NME7: variants seen among roughly 807,000 people sequenced by gnomAD.
The protein encoded by NME7 is nucleoside diphosphate kinase 7.
In NME7, 41 loss-of-function variants were observed where a neutral mutation model predicts 49.1. The observed-to-expected ratio is 0.83, with a 90% CI of 0.65 to 1.08. The LOEUF is 1.08. NME7 is among the 50% of genes least tolerant of loss of function. The pLI, the probability that NME7 is intolerant of heterozygous loss-of-function variation, is 0.00. For missense variants in NME7, 423 were observed against 463.4 expected (o/e 0.91, Z 0.80); for synonymous variants, 139 against 150.6 (o/e 0.92, Z 0.56).
At chr1:169,190,590 G>C in intron 10 of NME7, 1 of 413,074 alleles carries the variant, frequency 2.4e-6, no homozygotes, top group Non-Finnish European at 4.8e-6. Flanking sequence ...AGAAAACAAT[G>C]AAAGTGTTAT....
chr1:169,275,418 G>C lies in NME7; in HGVS notation c.754+11885C>G, dbSNP rs911305949. On this transcript the variant is annotated intron_variant, in intron 7 of 11. Coordinates refer to ENST00000367811, the MANE Select transcript of NME7 (RefSeq NM_013330.5). Reference sequence around the variant, plus strand: ...GGCGTGAACCCGGGAGGCGGAGCTTGCAGTGAGTCGAGATCGCGCCACTGC... The same window carrying C: ...GGCGTGAACCCGGGAGGCGGAGCTTCCAGTGAGTCGAGATCGCGCCACTGC... 1.6e-4 allele frequency among the ~76,000 whole-genome samples: 19 copies of C among 115,624 alleles called. 1 individual carries two copies. Among genetic ancestry groups the C allele is most frequent in the African/African-American group, 5.6e-4 (19 of 33,818 alleles). The allele number at this position is 115,624 out of a possible 152,430, so 75.9% of individuals were successfully genotyped here.
intron 7 of NME7, among the ~76,000 whole-genome samples, chr1:169,269,373 ATGGTG>A: frequency 7.5e-6 from 1 of 134,014 alleles, no homozygotes; most frequent in South Asian, 2.3e-4. Flanking sequence ...AAACTCCAAA[ATGGTG>A]ACATTCTAAG....
At chr1:169,229,974 A>C (rs891792364) in intron 10 of NME7, among the ~76,000 whole-genome samples, 15 of 152,104 alleles carry the variant, frequency 9.9e-5, no homozygotes, top group African/African-American at 3.6e-4. Context: ...AAAAAAAAAA[A>C]TTAAAAATAA....
At chr1:169,177,904 G>A (rs892294578) in intron 10 of NME7, among the ~76,000 whole-genome samples, 1 of 151,804 alleles carries the variant, frequency 6.6e-6, no homozygotes, top group African/African-American at 2.4e-5. Context: ...TGGCGTGATC[G>A]CGGCTCACTG....
chr1:169,247,017 G>T (rs1050764243), intron 7 of NME7: 3 of 456,186 alleles, frequency 6.6e-6, no homozygotes, highest in Non-Finnish European at 1.3e-5. Flanking sequence ...AAGACCTATG[G>T]GAATGAAGAT....
chr1:169,252,113 CTAGATCCCTGAGGA>C (rs1396487829), intron 7 of NME7, among the ~76,000 whole-genome samples: 3 of 149,496 alleles, frequency 2.0e-5, no homozygotes, highest in African/African-American at 7.4e-5. Context: ...ATTTCCAGTT[CTAGATCCCTGAGGA>C]ATCGCCACAC....
chr1:169,294,303 GA>G (rs1558026909), intron 6 of NME7, among the ~76,000 whole-genome samples: 1 of 152,048 alleles, frequency 6.6e-6, no homozygotes, highest in African/African-American at 2.4e-5. Context: ...ACAAGTGAAG[GA>G]AGAAAAACCA....
At chr1:169,341,486 G>A (rs533756612) in intron 1 of NME7, among the ~76,000 whole-genome samples, 1 of 152,318 alleles carries the variant, frequency 6.6e-6, no homozygotes, top group African/African-American at 2.4e-5. Context: ...TGGGGTCAGG[G>A]TGCCCACACA....
chr1:169,255,727 C>T (rs1648899845), intron 7 of NME7, among the ~76,000 whole-genome samples: 1 of 127,948 alleles, frequency 7.8e-6, no homozygotes, highest in East Asian at 2.5e-4. Context: ...ATGTTTAGCG[C>T]TTCCTTCAGG....
rs1390369001 is a variant in NME7, at chr1:169,267,129, CA to C, written c.754+20173del. The stretch of plus-strand genomic sequence containing the variant: ...ATCAGTAGCATTCTTACACAGCGCC[CA>C]AGCTGAGAGCCAAATCAGGAATACA... On this transcript the variant is annotated intron_variant, in intron 7 of 11. Coordinates refer to ENST00000367811, the MANE Select transcript of NME7 (RefSeq NM_013330.5). Among the ~76,000 whole-genome samples the C allele has an allele frequency of 1.5e-5, 2 of 133,168 alleles. 1 individual carries two copies. The highest frequency in any genetic ancestry group is 3.5e-5 in the Non-Finnish European group (2 of 56,734). 87.4% of individuals were successfully genotyped at this position (133,168 alleles called of 152,430 possible). A position where few individuals can be genotyped will look rare whatever the true frequency, so the allele number is the denominator to read the frequency against.
intron 5 of NME7, among the ~76,000 whole-genome samples, chr1:169,301,597 T>C (rs571189421): frequency 6.6e-6 from 1 of 152,216 alleles, no homozygotes; most frequent in East Asian, 1.9e-4. Flanking sequence ...AAAGAAATTC[T>C]GCCAAAAAGA....
intron 6 of NME7, among the ~76,000 whole-genome samples, chr1:169,288,601 C>T (rs555685841): frequency 6.6e-6 from 1 of 152,176 alleles, no homozygotes; most frequent in East Asian, 1.9e-4. Flanking sequence ...TAATGTGCCA[C>T]ACTGATGAGC....
chr1:169,310,912 C>T (rs1651356733), intron 3 of NME7: 1 of 152,146 alleles, frequency 6.6e-6, no homozygotes, highest in South Asian at 2.1e-4. Flanking sequence ...ATCACCAAAT[C>T]CTCAAGAATA....
intron 10 of NME7, among the ~76,000 whole-genome samples, chr1:169,176,430 A>G (rs1659752370): frequency 6.6e-6 from 1 of 152,206 alleles, no homozygotes; most frequent in African/African-American, 2.4e-5. Flanking sequence ...AGGAATCACT[A>G]AAACATCAGG....
Position 169,303,260 on chromosome 1 carries a change from A to G in NME7, c.390-65T>C, listed in dbSNP as rs551317661. On this transcript the variant is annotated intron_variant, in intron 4 of 11. Coordinates refer to ENST00000367811, the MANE Select transcript of NME7 (RefSeq NM_013330.5). ...AATTAAACACTTATTATTTTAGCTT[A>G]CATTAATAAAATTAAGATAAAATCC... is the stretch of plus-strand genomic sequence containing the variant. 136 of 737,408 alleles carry G rather than the reference A, an allele frequency of 1.8e-4. 1 individual carries two copies. The highest frequency in any genetic ancestry group is 4.0e-4 in the Middle Eastern group (1 of 2,470). The allele number at this position is 737,408 out of a possible 1,614,324, so 45.7% of individuals were successfully genotyped here.
chr1:169,205,358 TC>T (rs1309004672), intron 10 of NME7, among the ~76,000 whole-genome samples: 1 of 152,042 alleles, frequency 6.6e-6, no homozygotes, highest in Non-Finnish European at 1.5e-5. Context: ...TCTCCTAAAA[TC>T]AAGACATAGG....
At chr1:169,291,486 A>G (rs1000425358) in intron 6 of NME7, among the ~76,000 whole-genome samples, 1 of 152,054 alleles carries the variant, frequency 6.6e-6, no homozygotes, top group African/African-American at 2.4e-5. Flanking sequence ...GGAACATCAC[A>G]CACCGTGGCA....
intron 1 of NME7, among the ~76,000 whole-genome samples, chr1:169,340,346 A>G (rs1444141173): frequency 6.6e-6 from 1 of 152,108 alleles, no homozygotes; most frequent in Non-Finnish European, 1.5e-5. Flanking sequence ...CCTTTTGCCT[A>G]CTGCCATGAT....
At chr1:169,179,512 T>G (rs1006354767) in intron 10 of NME7, among the ~76,000 whole-genome samples, 3 of 152,240 alleles carry the variant, frequency 2.0e-5, no homozygotes, top group African/African-American at 7.2e-5. Flanking sequence ...TGCACCTGTA[T>G]GTTCATTGCA....
Sources: gnomAD v4.1 joint callset for allele counts (sites outside exome capture counted in the v4.1 genomes callset) on GRCh38, gnomAD v4.1.1 for gene constraint, MANE v1.5 for transcripts, NCBI Gene and HGNC (gene_info 2026-07-23, HGNC 2026-07-21) for gene names.